THSD4: variants seen among roughly 807,000 people sequenced by gnomAD.
The protein encoded by THSD4 is thrombospondin type 1 domain containing 4.
Under a neutral mutation model 119.0 loss-of-function variants are expected in THSD4, and 69 were observed. The observed-to-expected ratio is 0.58, with a 90% CI of 0.48 to 0.71. The LOEUF is 0.71. THSD4 is among the 30% of genes least tolerant of loss of function. The probability of loss-of-function intolerance (pLI) is 0.00; values close to 1 mark genes in which losing one functional copy is unlikely to be tolerated. For missense variants in THSD4, 1,393 were observed against 1,391.1 expected, an observed-to-expected ratio of 1.00 and a Z score of -0.02; for synonymous variants, 524 against 540.4, an observed-to-expected ratio of 0.97 and a Z score of 0.42.
At chr15:71,126,374 C>G (rs1215879888) in intron 1 of THSD4, among the ~76,000 whole-genome samples, 1 of 152,186 alleles carries the variant, frequency 6.6e-6, no homozygotes, top group African/African-American at 2.4e-5. Context: ...CTCCCCTTTC[C>G]CCCTCGGGTG....
chr15:71,229,816 C>A (rs973076362), intron 4 of THSD4, among the ~76,000 whole-genome samples: 1 of 152,082 alleles, frequency 6.6e-6, no homozygotes. Context: ...TTCTTATTAT[C>A]ATGATTGATA....
At chr15:71,625,507 A>C (rs1467079043) in intron 7 of THSD4, among the ~76,000 whole-genome samples, 2 of 152,212 alleles carry the variant, frequency 1.3e-5, no homozygotes, top group Non-Finnish European at 2.9e-5. Context: ...TAAAAGAGAA[A>C]AACAGGAGGA....
chr15:71,557,927 C>G (rs1169642748), intron 7 of THSD4, among the ~76,000 whole-genome samples: 2 of 152,066 alleles, frequency 1.3e-5, no homozygotes, highest in Non-Finnish European at 2.9e-5. Context: ...CAACTTTTGG[C>G]TTTGTTCTTC....
intron 8 of THSD4, among the ~76,000 whole-genome samples, chr15:71,689,639 C>A (rs561451180): frequency 2.0e-5 from 3 of 152,320 alleles, no homozygotes; most frequent in South Asian, 4.1e-4. Context: ...TAGCTCTGTG[C>A]TGGATGAGAT....
chr15:71,501,115 T>C (rs1027292653), intron 7 of THSD4, among the ~76,000 whole-genome samples: 3 of 152,220 alleles, frequency 2.0e-5, no homozygotes, highest in African/African-American at 7.2e-5. Flanking sequence ...ATGAACATGA[T>C]ATGTCTTTCC....
At chr15:71,477,825 C>T (rs915321807) in intron 7 of THSD4, among the ~76,000 whole-genome samples, 10 of 152,204 alleles carry the variant, frequency 6.6e-5, no homozygotes, top group African/African-American at 2.4e-4. Context: ...CTGTGATTCC[C>T]ACACCCAAGT....
chr15:71,444,914 A>C (rs4264351), intron 7 of THSD4, among the ~76,000 whole-genome samples: 1 of 152,248 alleles, frequency 6.6e-6, no homozygotes, highest in African/African-American at 2.4e-5. Context: ...TGCCCACTCT[A>C]CCTCTCCCCA....
intron 1 of THSD4, among the ~76,000 whole-genome samples, chr15:71,109,309 G>A (rs908193143): frequency 1.3e-5 from 2 of 152,172 alleles, no homozygotes; most frequent in South Asian, 4.2e-4. Flanking sequence ...GAGCTGCATG[G>A]TAATTCTCTG....
Position 71,411,770 on chromosome 15 carries a change from G to A in THSD4, c.1099G>A (p.Gly367Ser), listed in dbSNP as rs371818566. Residue 367 changes from glycine (G) to serine (S), a missense_variant, in exon 7 of 18, where the codon GGC (glycine) becomes AGC (serine). By Grantham distance (56) the Gly-to-Ser change is moderately conservative (BLOSUM62 0). Transcript: ENST00000261862. Reference protein sequence around the residue: ...YVRQAEKVIDGTPCDQNGTAI... With the variant: ...YVRQAEKVIDSTPCDQNGTAI... ...ACGGCAAGCTGAGAAAGTCATCGAT[G>A]GCACCCCCTGTGACCAGAACGGCAC... 2 of 1,614,120 alleles carry A rather than the reference G, an allele frequency of 1.2e-6. No individual in the cohort carries two copies. Among genetic ancestry groups the A allele is most frequent in the South Asian group, 1.1e-5 (1 of 91,068 alleles).
chr15:71,164,660 C>T, intron 3 of THSD4: 1 of 1,510,430 alleles, frequency 6.6e-7, no homozygotes, highest in Non-Finnish European at 8.8e-7. Flanking sequence ...AGTTTAAAAA[C>T]AAATCTTACA....
At chr15:71,294,587 A>T (rs1357266899) in intron 6 of THSD4, among the ~76,000 whole-genome samples, 1 of 152,152 alleles carries the variant, frequency 6.6e-6, no homozygotes, top group East Asian at 1.9e-4. Context: ...TGAGTGTCAA[A>T]GCTGCCATGA....
chr15:71,180,117 A>T (rs1293562346), intron 3 of THSD4, among the ~76,000 whole-genome samples: 3 of 135,832 alleles, frequency 2.2e-5, no homozygotes, highest in Non-Finnish European at 4.7e-5. Flanking sequence ...CAATGTGCAC[A>T]TGTACCCTAA....
At chr15:71,145,778 C>T (rs1224472582) in intron 2 of THSD4, among the ~76,000 whole-genome samples, 1 of 151,554 alleles carries the variant, frequency 6.6e-6, no homozygotes, top group Non-Finnish European at 1.5e-5. Context: ...GTCATGGAGT[C>T]GATCAGTGTC....
chr15:71,247,471 T>C (rs967729849), intron 5 of THSD4, among the ~76,000 whole-genome samples: 18 of 152,268 alleles, frequency 1.2e-4, no homozygotes, highest in Middle Eastern at 3.4e-3. Context: ...ACAGTGCAGA[T>C]CATATGTGCC....
At chr15:71,112,997 A>T (rs1274257741), upstream of THSD4, among the ~76,000 whole-genome samples, 4 of 152,162 alleles carry the variant, frequency 2.6e-5, no homozygotes, top group African/African-American at 9.7e-5. Context: ...TGGGCAACAC[A>T]GCAATACCTC....
intron 7 of THSD4, among the ~76,000 whole-genome samples, chr15:71,458,063 G>A (rs2047365403): frequency 6.6e-6 from 1 of 152,134 alleles, no homozygotes; most frequent in South Asian, 2.1e-4. Context: ...AAACAATCCG[G>A]TGAAAATATA....
chr15:71,327,339 G>T (rs1191232895), intron 6 of THSD4, among the ~76,000 whole-genome samples: 1 of 152,134 alleles, frequency 6.6e-6, no homozygotes, highest in Non-Finnish European at 1.5e-5. Flanking sequence ...GCTCCTGTCA[G>T]CTAAACCTTA....
intron 6 of THSD4, among the ~76,000 whole-genome samples, chr15:71,362,120 T>C (rs1011041161): frequency 6.6e-6 from 1 of 152,042 alleles, no homozygotes; most frequent in Non-Finnish European, 1.5e-5. Context: ...CTACTAAAAA[T>C]ACAAAATAAT....
At chr15:71,099,103 T>C (rs2040243568) in intron 1 of THSD4, among the ~76,000 whole-genome samples, 1 of 152,188 alleles carries the variant, frequency 6.6e-6, no homozygotes, top group South Asian at 2.1e-4. Context: ...GAGGGTGAAG[T>C]AAGAAAATGC....
Sources: allele counts gnomAD v4.1 joint callset (sites outside exome capture counted in the v4.1 genomes callset), GRCh38; gene constraint gnomAD v4.1.1; transcripts MANE v1.5; gene names NCBI Gene and HGNC (gene_info 2026-07-23, HGNC 2026-07-21).